The following CSMD2 variants were observed in gnomAD, a reference collection of about 807,000 sequenced individuals.
CSMD2 encodes CUB and Sushi multiple domains 2, also known as CUB and sushi domain-containing protein 2.
In CSMD2, 130 loss-of-function variants were observed where a neutral mutation model predicts 398.5. The ratio of observed to expected loss-of-function variants is 0.33; its 90% CI spans 0.28 to 0.38. The LOEUF is 0.38. CSMD2 is among the 10% of genes least tolerant of loss of function. The pLI is 1.00. For missense variants in CSMD2, 3,829 were observed against 4,764.9 expected, an observed-to-expected ratio of 0.80 and a Z score of 5.78; for synonymous variants, 1,828 against 1,908.5, an observed-to-expected ratio of 0.96 and a Z score of 1.10.
At chr1:33,910,012 C>T (rs866682887) in intron 5 of CSMD2, among the ~76,000 whole-genome samples, 3 of 152,302 alleles carry the variant, frequency 2.0e-5, no homozygotes, top group Middle Eastern at 6.8e-3. Flanking sequence ...TCAGCCAGAA[C>T]TTGATAATCA....
At chr1:33,728,167 C>T (rs1173247486) in intron 15 of CSMD2, among the ~76,000 whole-genome samples, 1 of 152,140 alleles carries the variant, frequency 6.6e-6, no homozygotes, top group East Asian at 1.9e-4. Flanking sequence ...TCAAAGGAAC[C>T]TCTGCTCCTT....
In CSMD2 at chr1:33,820,565, C is replaced by CAAAAAGAAAAAA; in HGVS notation, c.1112-10_1112-9insTTTTTTCTTTTT. On this transcript the variant is annotated splice_polypyrimidine_tract_variant and intron_variant, in intron 7 of 70. Coordinates refer to ENST00000373381, the MANE Select transcript of CSMD2 (RefSeq NM_001281956.2). ...CACACCAACCTGAGTTACTACAAGG[C>CAAAAAGAAAAAA]AAAAAAAAAAAAAAAAAAAAAAACA... 4.5e-6 allele frequency: 2 copies of CAAAAAGAAAAAA among 442,170 alleles called. No homozygotes were observed. The highest frequency in any genetic ancestry group is 3.1e-5 in the South Asian group (1 of 32,268). 27.4% of individuals were successfully genotyped at this position (442,170 alleles called of 1,614,324 possible). A position where few individuals can be genotyped will look rare whatever the true frequency, so the allele number is the denominator to read the frequency against.
intron 25 of CSMD2, among the ~76,000 whole-genome samples, chr1:33,675,695 T>G (rs984749006): frequency 6.6e-6 from 1 of 152,188 alleles, no homozygotes; most frequent in Non-Finnish European, 1.5e-5. Context: ...TGAACATTGA[T>G]GCAAAAATCC....
intron 64 of CSMD2, among the ~76,000 whole-genome samples, chr1:33,528,136 T>C (rs1654947367): frequency 6.6e-6 from 1 of 152,162 alleles, no homozygotes; most frequent in Non-Finnish European, 1.5e-5. Flanking sequence ...AGGCAAAAGC[T>C]TTGGGCCTGG....
At chr1:33,824,542 T>C (rs1223342318) in intron 7 of CSMD2, among the ~76,000 whole-genome samples, 1 of 152,130 alleles carries the variant, frequency 6.6e-6, no homozygotes, top group Non-Finnish European at 1.5e-5. Flanking sequence ...GTGCCTCTTC[T>C]CCTGATGTTC....
At chr1:33,544,257 C>T (rs1461548332) in intron 57 of CSMD2, among the ~76,000 whole-genome samples, 6 of 150,262 alleles carry the variant, frequency 4.0e-5, no homozygotes, top group African/African-American at 1.5e-4. Flanking sequence ...CAGGCGCCTG[C>T]TACCACGACC....
At chr1:33,883,081 C>T (rs1641343977) in intron 5 of CSMD2, among the ~76,000 whole-genome samples, 1 of 152,200 alleles carries the variant, frequency 6.6e-6, no homozygotes, top group Admixed American at 6.5e-5. Flanking sequence ...GAAGCTATTC[C>T]ATTTTATTAC....
chr1:33,550,345 A>G lies in CSMD2; in HGVS notation c.8749T>C (p.Ser2917Pro). The change falls in exon 56 of 71, where the codon TCC (serine) becomes CCC (proline). Residue 2917 changes from serine to proline, a missense_variant. Ser to Pro is a moderately conservative substitution (Grantham distance 74). This residue lies in a region of CSMD2 where 917 missense variants were observed against 1,199.5 expected (regional missense o/e 0.76). Coordinates refer to ENST00000373381, the MANE Select transcript of CSMD2 (RefSeq NM_001281956.2). ...DRPRPQCLLV[S>P]CGHPGSPPHS... ...GGCGGGGAGCCCGGATGGCCACAGG[A>G]CACCACTGTGGGGGAAAAGCAAACA... 1 of 1,613,616 alleles carries G rather than the reference A, an allele frequency of 6.2e-7. No homozygotes were observed. Among genetic ancestry groups the G allele is most frequent in the South Asian group, 1.1e-5 (1 of 91,052 alleles).
chr1:33,826,914 C>A (rs1408680194), intron 6 of CSMD2, among the ~76,000 whole-genome samples: 1 of 152,232 alleles, frequency 6.6e-6, no homozygotes, highest in Non-Finnish European at 1.5e-5. Context: ...GGAGTGGTGA[C>A]AACAACTGTA....
chr1:33,902,395 T>C (rs935634206), intron 5 of CSMD2, among the ~76,000 whole-genome samples: 2 of 152,138 alleles, frequency 1.3e-5, no homozygotes, highest in Non-Finnish European at 2.9e-5. Flanking sequence ...CTCTTTGATG[T>C]CCTTCATAAT....
chr1:33,546,164 C>T lies in CSMD2; in HGVS notation c.8973G>A (p.Leu2991=). ...DPGIPAHGIR[L]GDSFDPGTVM... ...CAGTGCCTGGATCAAAGCTGTCCCC[C>T]AAACGGATGCCATGAGCCGGGATCC... Residue 2991 remains leucine, a synonymous_variant, in exon 57 of 71, where the codon TTG becomes TTA. Coordinates refer to ENST00000373381, the MANE Select transcript of CSMD2 (RefSeq NM_001281956.2). 4 of 1,614,228 alleles carry T rather than the reference C, an allele frequency of 2.5e-6. No homozygotes were observed. Among genetic ancestry groups the T allele is most frequent in the Non-Finnish European group, 2.5e-6 (3 of 1,180,032 alleles).
rs117476780 is a variant in CSMD2, at chr1:33,531,706, G to A, written c.10171+1344C>T. Reference sequence around the variant, plus strand: ...GAAAACATTATGCTAAGGGAAATAAGCCAGACACAAAAGAACAAATATTGT... The same window carrying A: ...GAAAACATTATGCTAAGGGAAATAAACCAGACACAAAAGAACAAATATTGT... On this transcript the variant is annotated intron_variant, in intron 64 of 70. Coordinates refer to ENST00000373381, the MANE Select transcript of CSMD2 (RefSeq NM_001281956.2). Among the ~76,000 whole-genome samples, 49 of 152,302 alleles carry A rather than the reference G, an allele frequency of 3.2e-4. No homozygotes were observed. The East Asian group carries it at 9.1e-3, about 28-fold the overall frequency.
At chr1:34,061,858 A>G in intron 2 of CSMD2, among the ~76,000 whole-genome samples, 1 of 152,196 alleles carries the variant, frequency 6.6e-6, no homozygotes, top group Non-Finnish European at 1.5e-5. Context: ...TGGAGGCCTT[A>G]TAACCTGACA....
In CSMD2 at chr1:33,516,317, T is replaced by TACACAC. The variant is rs112990781; in HGVS notation, c.*301_*306dup. ...GTGTGTTTGTGTGTGATCAGGCCCATACACACACACACACACACAGATCCA... is the reference window on the plus strand; with the variant it reads ...GTGTGTTTGTGTGTGATCAGGCCCATACACACACACACACACACACACACAGATCCA... On this transcript the variant is annotated 3_prime_UTR_variant, in exon 71 of 71. Transcript: ENST00000373381. 0.53 allele frequency: 79,749 copies of TACACAC among 150,524 alleles called. 22,051 individuals are homozygous for TACACAC. The highest frequency in any genetic ancestry group is 0.7 in the East Asian group (3,560 of 5,086). 9.3% of individuals were successfully genotyped at this position (150,524 alleles called of 1,614,324 possible).
At chr1:33,701,003 G>A (rs1052088884) in intron 22 of CSMD2, among the ~76,000 whole-genome samples, 1 of 152,174 alleles carries the variant, frequency 6.6e-6, no homozygotes, top group African/African-American at 2.4e-5. Flanking sequence ...TAGCAGCCTG[G>A]GGAGGCCAGG....
intron 44 of CSMD2, chr1:33,600,276 T>G: frequency 1.5e-6 from 1 of 663,574 alleles, no homozygotes; most frequent in South Asian, 1.7e-5. Flanking sequence ...ATTCCATAGA[T>G]AGGCACAAGT....
At chr1:33,682,908 T>A (rs1644952699) in intron 25 of CSMD2, among the ~76,000 whole-genome samples, 1 of 152,208 alleles carries the variant, frequency 6.6e-6, no homozygotes, top group African/African-American at 2.4e-5. Context: ...CTCCTTTCAC[T>A]TCACTGAGCA....
At chr1:33,793,637 A>T (rs34954945) in intron 10 of CSMD2, among the ~76,000 whole-genome samples, 13,848 of 152,082 alleles carry the variant, frequency 0.091, 794 homozygotes, top group African/African-American at 0.16. Context: ...GGTGACAGGG[A>T]CGCATAGGTG....
intron 29 of CSMD2, among the ~76,000 whole-genome samples, chr1:33,644,117 G>A (rs540093910): frequency 3.6e-4 from 55 of 152,234 alleles, no homozygotes; most frequent in Middle Eastern, 3.4e-3. Flanking sequence ...GGCTGGCTCC[G>A]ATGGCAGCTG....
Sources: allele counts gnomAD v4.1 joint callset (sites outside exome capture counted in the v4.1 genomes callset), GRCh38; gene constraint gnomAD v4.1.1; regional missense constraint gnomAD v4.1.1; transcripts MANE v1.5; gene names NCBI Gene and HGNC (gene_info 2026-07-23, HGNC 2026-07-21).